RERE: variants seen among roughly 807,000 people sequenced by gnomAD.
RERE encodes arginine-glutamic acid dipeptide repeats protein.
Under a neutral mutation model 146.1 loss-of-function variants are expected in RERE, and 40 were observed. That is an observed-to-expected ratio of 0.27 (90% CI 0.21 to 0.36). The LOEUF is 0.36. Among genes scored for constraint, RERE ranks in the 10% least tolerant of loss-of-function variants. The pLI, the probability that RERE is intolerant of heterozygous loss-of-function variation, is 1.00. For synonymous variants in RERE, 1,003 were observed against 866.0 expected, an observed-to-expected ratio of 1.16 and a Z score of -2.78; for missense variants, 1,933 against 2,138.7, an observed-to-expected ratio of 0.90 and a Z score of 1.90.
chr1:8,790,366 G>A (rs1641342829), intron 1 of RERE, among the ~76,000 whole-genome samples: 1 of 152,128 alleles, frequency 6.6e-6, no homozygotes, highest in Admixed American at 6.5e-5. Flanking sequence ...ATACTATGTA[G>A]CTAATAATAC....
At chr1:8,442,228 T>C (rs1365048347) in intron 11 of RERE, among the ~76,000 whole-genome samples, 2 of 151,906 alleles carry the variant, frequency 1.3e-5, no homozygotes, top group African/African-American at 2.4e-5. Flanking sequence ...CTACTAAACA[T>C]ACAAAAATTA....
rs1011152387 is a variant in RERE, at chr1:8,364,533, C to T, written c.1540+213G>A. Among the ~76,000 whole-genome samples, 4 of 152,160 alleles carry T rather than the reference C, an allele frequency of 2.6e-5. No individual in the cohort carries two copies. The highest frequency in any genetic ancestry group is 9.7e-5 in the African/African-American group (4 of 41,434). On this transcript the variant is annotated intron_variant, in intron 14 of 22. Transcript: ENST00000400908. This position sits in a 1 kb window ranked among gnomAD's most constrained non-coding sequence, Gnocchi z 5.1. Reference sequence around the variant, plus strand: ...TGTCAACCCCCCAATCCCACTCAATCTGTCCTGCCTACCAGTCAGTATTCC... The same window carrying T: ...TGTCAACCCCCCAATCCCACTCAATTTGTCCTGCCTACCAGTCAGTATTCC...
chr1:8,594,560 T>G (rs190669681), intron 4 of RERE, among the ~76,000 whole-genome samples: 2 of 152,170 alleles, frequency 1.3e-5, no homozygotes, highest in Non-Finnish European at 1.5e-5. Context: ...GCCAGCAATA[T>G]AGCAAGTGAA....
intron 1 of RERE, among the ~76,000 whole-genome samples, chr1:8,726,135 CTTTTTTCTTTTCTTTTT>C (rs1388736285): frequency 7.2e-6 from 1 of 139,098 alleles, no homozygotes; most frequent in Non-Finnish European, 1.5e-5. Context: ...TCCAGTTTTC[CTTTTTTCTTTTCTTTTT>C]TTTTTTTTTT....
chr1:8,401,695 G>A (rs1300814107), intron 12 of RERE, among the ~76,000 whole-genome samples: 1 of 151,650 alleles, frequency 6.6e-6, no homozygotes, highest in Non-Finnish European at 1.5e-5. Flanking sequence ...GGGAGGTCGA[G>A]GCTGCAGTGA....
intron 4 of RERE, among the ~76,000 whole-genome samples, chr1:8,600,523 C>A (rs953957336): frequency 6.6e-6 from 1 of 152,032 alleles, no homozygotes; most frequent in African/African-American, 2.4e-5. Flanking sequence ...TGTAATATAT[C>A]CAAGACAATG....
intron 6 of RERE, among the ~76,000 whole-genome samples, chr1:8,550,174 TA>T (rs1187524693): frequency 6.6e-6 from 1 of 152,190 alleles, no homozygotes; most frequent in Non-Finnish European, 1.5e-5. Flanking sequence ...GCTGTGTGTC[TA>T]AAAATAGCTC....
At chr1:8,746,514 T>G (rs1407659155) in intron 1 of RERE, among the ~76,000 whole-genome samples, 2 of 152,138 alleles carry the variant, frequency 1.3e-5, no homozygotes, top group East Asian at 3.9e-4. Flanking sequence ...GAATATCTCA[T>G]GTAACTTATT....
intron 4 of RERE, among the ~76,000 whole-genome samples, chr1:8,610,139 C>A: frequency 6.6e-6 from 1 of 152,140 alleles, no homozygotes; most frequent in East Asian, 1.9e-4. Context: ...AAATTATTTT[C>A]AACACCTAAG....
chr1:8,608,584 T>C (rs1256329015), intron 4 of RERE, among the ~76,000 whole-genome samples: 2 of 152,016 alleles, frequency 1.3e-5, no homozygotes, highest in Non-Finnish European at 2.9e-5. Context: ...CTGTAAGTAA[T>C]AAAGAGCAAT....
chr1:8,617,611 A>C (rs1646869259), intron 3 of RERE, among the ~76,000 whole-genome samples: 1 of 152,214 alleles, frequency 6.6e-6, no homozygotes, highest in Non-Finnish European at 1.5e-5. Flanking sequence ...AGAAATACTC[A>C]ATTTTGCAGG....
chr1:8,571,068 T>C (rs1011459016), intron 4 of RERE, among the ~76,000 whole-genome samples: 5 of 152,172 alleles, frequency 3.3e-5, no homozygotes, highest in African/African-American at 9.7e-5. Context: ...TAAAAAGGTA[T>C]ACTACTTTAA....
In RERE at chr1:8,423,553, GC is replaced by G; in HGVS notation, c.1204-747del. 1 of 985,114 alleles carries G rather than the reference GC, an allele frequency of 1.0e-6. No homozygotes were observed. The highest frequency in any genetic ancestry group is 1.2e-6 in the Non-Finnish European group (1 of 829,772). 61.0% of individuals were successfully genotyped at this position (985,114 alleles called of 1,614,324 possible). ...CGGTGGGGGCAGCTCCTGGCTCCGA[GC>G]CCCCACCTCGGGGCTCCCAGCCTGG... On this transcript the variant is annotated intron_variant, in intron 11 of 22. Transcript: ENST00000400908. The surrounding 1 kb of genome is among the most constrained non-coding windows in gnomAD (Gnocchi z 5.4).
At chr1:8,743,747 C>A (rs1640363100) in intron 1 of RERE, among the ~76,000 whole-genome samples, 1 of 151,924 alleles carries the variant, frequency 6.6e-6, no homozygotes, top group Admixed American at 6.6e-5. Flanking sequence ...AGGGCTCAGT[C>A]CCTCACTTAT....
intron 1 of RERE, among the ~76,000 whole-genome samples, chr1:8,678,432 C>G (rs1638891503): frequency 6.6e-6 from 1 of 150,722 alleles, no homozygotes; most frequent in South Asian, 2.1e-4. Flanking sequence ...ATCCCGAGGT[C>G]AGGAGATCAA....
chr1:8,413,182 G>T (rs1242909940), intron 12 of RERE, among the ~76,000 whole-genome samples: 1 of 152,062 alleles, frequency 6.6e-6, no homozygotes, highest in African/African-American at 2.4e-5. Flanking sequence ...GACTCTAAGG[G>T]TGCCATAAAG....
At chr1:8,737,983 T>C (rs994210321) in intron 1 of RERE, among the ~76,000 whole-genome samples, 1 of 152,188 alleles carries the variant, frequency 6.6e-6, no homozygotes, top group Non-Finnish European at 1.5e-5. Flanking sequence ...CAAAGCACAC[T>C]GTGGAATATA....
At chr1:8,771,832 C>T (rs1640957409) in intron 1 of RERE, among the ~76,000 whole-genome samples, 1 of 150,350 alleles carries the variant, frequency 6.7e-6, no homozygotes, top group African/African-American at 2.4e-5. Flanking sequence ...ATGGCATGAA[C>T]CCGGGAGGCG....
rs1641229155 is a variant in RERE at position 8,354,937 on chromosome 1, G to A, written c.*150C>T. 1.5e-6 allele frequency: 1 copy of A among 667,838 alleles called. No individual in the cohort carries two copies. The highest frequency in any genetic ancestry group is 2.6e-6 in the Non-Finnish European group (1 of 390,242). The allele number at this position is 667,838 out of a possible 1,614,324, so 41.4% of individuals were successfully genotyped here. On this transcript the variant is annotated 3_prime_UTR_variant, in exon 23 of 23. Transcript: ENST00000400908. ...TCTCGACAAACGAACACTACTATGT[G>A]GATACATTTTTAGTTGTGGGTTTTT...
Sources: gnomAD v4.1 joint callset for allele counts (sites outside exome capture counted in the v4.1 genomes callset) on GRCh38, gnomAD v4.1.1 for gene constraint, Gnocchi (gnomAD v3.1) non-coding constraint, MANE v1.5 for transcripts, NCBI Gene and HGNC (gene_info 2026-07-23, HGNC 2026-07-21) for gene names.